Variants in PLPPR4 observed in about 807,000 individuals in gnomAD.
The protein encoded by PLPPR4 is phospholipid phosphatase-related protein type 4.
PLPPR4 carries 24 observed loss-of-function variants against 56.6 expected under a neutral mutation model. The observed-to-expected ratio is 0.42, with a 90% CI of 0.31 to 0.60. The LOEUF is 0.60. Among genes scored for constraint, PLPPR4 ranks in the 20% least tolerant of loss-of-function variants. The probability of loss-of-function intolerance (pLI) is 0.13; values close to 1 mark genes in which losing one functional copy is unlikely to be tolerated. For synonymous variants in PLPPR4, 326 were observed against 328.1 expected, an observed-to-expected ratio of 0.99 and a Z score of 0.07; for missense variants, 654 against 885.8, an observed-to-expected ratio of 0.74 and a Z score of 3.32.
Position 99,305,749 on chromosome 1 carries a change from T to TC in PLPPR4, c.888dup (p.Arg297GlnfsTer17). The TC allele has an allele frequency of 6.2e-7, 1 of 1,613,880 alleles. No individual in the cohort carries two copies. The highest frequency in any genetic ancestry group is 8.5e-7 in the Non-Finnish European group (1 of 1,179,826). On this transcript the variant is annotated frameshift_variant, in exon 7 of 7. Coordinates refer to ENST00000370185, the MANE Select transcript of PLPPR4 (RefSeq NM_014839.5). LOFTEE classifies it high-confidence loss of function. ...AGTATGTTTCAGCACAGAGACGCCCTCAGGTCTCTGACAGACCTCAATCAA... is the reference window on the plus strand; with the variant it reads ...AGTATGTTTCAGCACAGAGACGCCCTCCAGGTCTCTGACAGACCTCAATCAA...
intron 1 of PLPPR4, among the ~76,000 whole-genome samples, chr1:99,281,213 A>G (rs1659315294): frequency 6.6e-6 from 1 of 152,188 alleles, no homozygotes; most frequent in African/African-American, 2.4e-5. Context: ...TGACTTTCCC[A>G]AATCCCAAAA....
rs1412393813 is a variant in PLPPR4, at chr1:99,308,320, T to C, written c.*1310T>C. On this transcript the variant is annotated 3_prime_UTR_variant, in exon 7 of 7. Transcript: ENST00000370185. The stretch of plus-strand genomic sequence containing the variant: ...ATTAAGAATGACTTTCTTCAAAATA[T>C]CTGAATAGGTGCAGTTTTAGTTTAA... 6.6e-6 allele frequency: 1 copy of C among 152,158 alleles called. No homozygotes were observed. Among genetic ancestry groups the C allele is most frequent in the Non-Finnish European group, 1.5e-5 (1 of 68,020 alleles). The allele number at this position is 152,158 out of a possible 1,614,324, so 9.4% of individuals were successfully genotyped here.
At chr1:99,289,255 C>T (rs1052388758) in intron 2 of PLPPR4, among the ~76,000 whole-genome samples, 3 of 152,060 alleles carry the variant, frequency 2.0e-5, no homozygotes, top group African/African-American at 7.2e-5. Flanking sequence ...AATGAATTCG[C>T]CTATTCAGGT....
At chr1:99,292,852 G>T (rs967982122) in intron 2 of PLPPR4, among the ~76,000 whole-genome samples, 4 of 151,704 alleles carry the variant, frequency 2.6e-5, no homozygotes, top group African/African-American at 9.7e-5. Context: ...TCCAGTGTCT[G>T]CAGTCATCTT....
chr1:99,267,860 T>A (rs1307678397), intron 1 of PLPPR4, among the ~76,000 whole-genome samples: 1 of 152,212 alleles, frequency 6.6e-6, no homozygotes, highest in East Asian at 1.9e-4. Flanking sequence ...ACAAGAATAA[T>A]GACAACCATT....
chr1:99,267,568 A>G (rs1410720230), intron 1 of PLPPR4, among the ~76,000 whole-genome samples: 1 of 152,366 alleles, frequency 6.6e-6, no homozygotes, highest in East Asian at 1.9e-4. Context: ...TATTGAATAT[A>G]TTATGAGGTT....
At chr1:99,264,817 G>T in intron 1 of PLPPR4, 146 bp downstream of exon 1, 1 of 815,628 alleles carries the variant, frequency 1.2e-6, no homozygotes, top group Non-Finnish European at 2.0e-6. Flanking sequence ...TCTTCCCCTA[G>T]ATTTCACAGC....
intron 1 of PLPPR4, among the ~76,000 whole-genome samples, chr1:99,280,816 T>G (rs1659305420): frequency 6.6e-6 from 1 of 152,196 alleles, no homozygotes; most frequent in African/African-American, 2.4e-5. Flanking sequence ...GAACATGGGC[T>G]GTCTTTCTGG....
At chr1:99,292,961 T>C (rs1396478120) in intron 2 of PLPPR4, among the ~76,000 whole-genome samples, 1 of 152,166 alleles carries the variant, frequency 6.6e-6, no homozygotes, top group Non-Finnish European at 1.5e-5. Context: ...CAGGCTCTAA[T>C]TTCTGACTTC....
chr1:99,308,626 T>A lies in PLPPR4; in HGVS notation c.*1616T>A, dbSNP rs1258928554. 6.6e-6 allele frequency: 1 copy of A among 152,460 alleles called. No individual in the cohort carries two copies. Among genetic ancestry groups the A allele is most frequent in the Non-Finnish European group, 1.5e-5 (1 of 68,006 alleles). The allele number at this position is 152,460 out of a possible 1,614,324, so 9.4% of individuals were successfully genotyped here. A position where few individuals can be genotyped will look rare whatever the true frequency, so the allele number is the denominator to read the frequency against. Reference sequence around the variant, plus strand: ...GCTCACTTTCCAATAACAGAAGGAGTTGTTTACAGATGAATAGTATCACAT... The same window carrying A: ...GCTCACTTTCCAATAACAGAAGGAGATGTTTACAGATGAATAGTATCACAT... On this transcript the variant is annotated 3_prime_UTR_variant, in exon 7 of 7. Transcript: ENST00000370185.
chr1:99,272,042 T>C (rs1356414577), intron 1 of PLPPR4, among the ~76,000 whole-genome samples: 2 of 152,040 alleles, frequency 1.3e-5, no homozygotes, highest in African/African-American at 4.8e-5. Flanking sequence ...GACACAATTA[T>C]TGCTGTTTAT....
At chr1:99,275,291 G>A (rs1463628497) in intron 1 of PLPPR4, among the ~76,000 whole-genome samples, 1 of 152,078 alleles carries the variant, frequency 6.6e-6, no homozygotes, top group African/African-American at 2.4e-5. Context: ...CTAGCTTCCA[G>A]TTGAATTTTA....
At chr1:99,293,517 A>G (rs1659671867) in intron 2 of PLPPR4, among the ~76,000 whole-genome samples, 1 of 152,116 alleles carries the variant, frequency 6.6e-6, no homozygotes, top group African/African-American at 2.4e-5. Context: ...ACAAATCTTC[A>G]TGAAGTCTAT....
At chr1:99,288,845 T>A (rs1242353418) in intron 2 of PLPPR4, among the ~76,000 whole-genome samples, 1 of 152,146 alleles carries the variant, frequency 6.6e-6, no homozygotes, top group Non-Finnish European at 1.5e-5. Flanking sequence ...TCTTTACATG[T>A]TATATGAATG....
intron 1 of PLPPR4, among the ~76,000 whole-genome samples, chr1:99,270,498 G>C (rs1659029524): frequency 1.3e-5 from 2 of 152,204 alleles, no homozygotes; most frequent in Admixed American, 1.3e-4. Flanking sequence ...ACAAGCCTTT[G>C]AGCAAAGACA....
intron 1 of PLPPR4, among the ~76,000 whole-genome samples, chr1:99,273,474 TGC>T (rs913492919): frequency 1.3e-5 from 2 of 152,114 alleles, no homozygotes; most frequent in African/African-American, 4.8e-5. Context: ...ACCAAAAGTC[TGC>T]GCTATGGGTT....
chr1:99,270,041 GTGT>G (rs1384757087), intron 1 of PLPPR4, among the ~76,000 whole-genome samples: 11 of 141,842 alleles, frequency 7.8e-5, no homozygotes, highest in African/African-American at 2.9e-4. Context: ...GTGTGTGTGT[GTGT>G]GGCAGGGTCT....
intron 6 of PLPPR4, 38 bp from the exon 7 acceptor site, chr1:99,305,647 C>T (rs371523664): frequency 1.3e-6 from 2 of 1,580,690 alleles, no homozygotes; most frequent in Non-Finnish European, 1.7e-6. Flanking sequence ...TGACTGTCTT[C>T]TAGTGCATGA....
intron 1 of PLPPR4, among the ~76,000 whole-genome samples, chr1:99,282,298 A>C (rs2100793472): frequency 6.6e-6 from 1 of 152,256 alleles, no homozygotes; most frequent in Middle Eastern, 3.4e-3. Flanking sequence ...TATGTCCAAA[A>C]CCATATCAAC....
Sources: allele counts gnomAD v4.1 joint callset (sites outside exome capture counted in the v4.1 genomes callset), GRCh38; gene constraint gnomAD v4.1.1; transcripts MANE v1.5; gene names NCBI Gene and HGNC (gene_info 2026-07-23, HGNC 2026-07-21).